ZBBX: variants seen among roughly 807,000 people sequenced by gnomAD.
The protein encoded by ZBBX is zinc finger B-box domain-containing protein 1.
A neutral mutation model predicts 108.5 loss-of-function variants in ZBBX; 101 were observed. The observed-to-expected ratio is 0.93, with a 90% CI of 0.79 to 1.10. ZBBX has a LOEUF of 1.10. Ranked by LOEUF, ZBBX falls within the 50% of genes least tolerant of loss-of-function variation. The pLI, the probability that ZBBX is intolerant of heterozygous loss-of-function variation, is 0.00. For synonymous variants in ZBBX, 356 were observed against 323.4 expected (o/e 1.10, Z -1.08); for missense variants, 1,009 against 941.4 (o/e 1.07, Z -0.94).
At chr3:167,254,887 T>TGAGAGAGAGAGAGAATGAGAGAGA (rs757639165) in intron 20 of ZBBX, among the ~76,000 whole-genome samples, 4 of 141,270 alleles carry the variant, frequency 2.8e-5, no homozygotes, top group East Asian at 2.1e-4. Flanking sequence ...TGTGTGTGTG[T>TGAGAGAGAGAGAGAATGAGAGAGA]GAGAGAGAGA....
intron 4 of ZBBX, among the ~76,000 whole-genome samples, chr3:167,372,361 G>A (rs1463860162): frequency 6.6e-6 from 1 of 152,146 alleles, no homozygotes; most frequent in African/African-American, 2.4e-5. Flanking sequence ...AAAATTCCCA[G>A]GATGCCAGTA....
intron 2 of ZBBX, among the ~76,000 whole-genome samples, chr3:167,374,203 T>C (rs1746603181): frequency 1.3e-5 from 2 of 152,162 alleles, no homozygotes; most frequent in South Asian, 4.1e-4. Flanking sequence ...AAAGGCATTC[T>C]AATATCCTCA....
At chr3:167,388,988 T>A (rs1748005896) in intron 1 of ZBBX, among the ~76,000 whole-genome samples, 1 of 152,100 alleles carries the variant, frequency 6.6e-6, no homozygotes, top group African/African-American at 2.4e-5. Context: ...TGCTTTATGT[T>A]CTGGAATACA....
chr3:167,329,676 A>G (rs1194774511), intron 10 of ZBBX, among the ~76,000 whole-genome samples: 1 of 152,218 alleles, frequency 6.6e-6, no homozygotes, highest in Non-Finnish European at 1.5e-5. Flanking sequence ...GTCAAACAGC[A>G]TTGGTGGCAT....
At chr3:167,371,107 AG>A (rs1416796204) in intron 4 of ZBBX, among the ~76,000 whole-genome samples, 6 of 152,152 alleles carry the variant, frequency 3.9e-5, no homozygotes, top group African/African-American at 1.4e-4. Context: ...AATTACTGTG[AG>A]TGGGTATTCC....
chr3:167,256,296 G>A (rs1234995447), intron 20 of ZBBX, among the ~76,000 whole-genome samples: 1 of 151,924 alleles, frequency 6.6e-6, no homozygotes, highest in African/African-American at 2.4e-5. Context: ...TTGGATATAT[G>A]GGTTTCTTTT....
Position 167,379,637 on chromosome 3 carries a change from C to T in ZBBX, c.-132+1G>A, listed in dbSNP as rs1747508288. On this transcript the variant is annotated splice_donor_variant, in intron 2 of 21. Transcript: ENST00000675490. LOFTEE classifies it low-confidence loss of function (5UTR_SPLICE). ...AATATATATAACTGAACCTTACATA[C>T]CTGAGTCCCTCTACTGCTGATTTTG... 1 of 152,124 alleles carries T rather than the reference C, an allele frequency of 6.6e-6. No individual in the cohort carries two copies. Among genetic ancestry groups the T allele is most frequent in the Non-Finnish European group, 1.5e-5 (1 of 68,038 alleles). 9.4% of individuals were successfully genotyped at this position (152,124 alleles called of 1,614,324 possible).
Position 167,346,151 on chromosome 3 carries a change from T to C in ZBBX, c.528+4269A>G, listed in dbSNP as rs1469999418. Among the ~76,000 whole-genome samples, 3 of 151,976 alleles carry C rather than the reference T, an allele frequency of 2.0e-5. No individual in the cohort carries two copies. In the East Asian group the frequency reaches 5.8e-4, roughly 29 times the overall value. On this transcript the variant is annotated intron_variant, in intron 9 of 21. Coordinates refer to ENST00000675490, the MANE Select transcript of ZBBX (RefSeq NM_001199201.2). Reference sequence around the variant, plus strand: ...CTCATTTCTCATCTGAAAATAACTTTTGTTTCAACCCTTAGTGTTGACAAT... The same window carrying C: ...CTCATTTCTCATCTGAAAATAACTTCTGTTTCAACCCTTAGTGTTGACAAT...
intron 20 of ZBBX, among the ~76,000 whole-genome samples, chr3:167,265,852 T>C (rs1725365396): frequency 6.6e-6 from 1 of 152,214 alleles, no homozygotes; most frequent in Non-Finnish European, 1.5e-5. Flanking sequence ...CACAGCTTTA[T>C]TCTCTGCTGT....
intron 20 of ZBBX, among the ~76,000 whole-genome samples, chr3:167,270,587 C>T (rs1225030860): frequency 2.0e-5 from 3 of 152,292 alleles, no homozygotes; most frequent in East Asian, 1.9e-4. Flanking sequence ...AGCCTGTAGC[C>T]TTCTTATCAA....
chr3:167,221,916 A>G, the ZBBX span, among the ~76,000 whole-genome samples: 1 of 152,146 alleles, frequency 6.6e-6, no homozygotes, highest in African/African-American at 2.4e-5. Context: ...AGGCAATAAC[A>G]AAGGCTGGTG....
intron 1 of ZBBX, among the ~76,000 whole-genome samples, chr3:167,394,743 A>C (rs1410798335): frequency 6.6e-6 from 1 of 152,070 alleles, no homozygotes; most frequent in Non-Finnish European, 1.5e-5. Context: ...TTATTCCTGC[A>C]TGCAGAATCA....
intron 16 of ZBBX, among the ~76,000 whole-genome samples, chr3:167,308,194 A>C (rs992143354): frequency 6.6e-6 from 1 of 152,200 alleles, no homozygotes; most frequent in Admixed American, 6.5e-5. Flanking sequence ...TGTGACCACA[A>C]TCCTATAAGA....
chr3:167,180,421 G>C, the ZBBX span, among the ~76,000 whole-genome samples: 1 of 152,226 alleles, frequency 6.6e-6, no homozygotes, highest in Non-Finnish European at 1.5e-5. Flanking sequence ...CACCATTGTA[G>C]TGTCATTTAC....
chr3:167,321,343 G>A (rs1463462886), intron 12 of ZBBX, among the ~76,000 whole-genome samples: 1 of 151,944 alleles, frequency 6.6e-6, no homozygotes, highest in African/African-American at 2.4e-5. Context: ...TTATCTGTAT[G>A]GGCTTAATAG....
At chr3:167,328,442 C>T (rs1333848759) in intron 10 of ZBBX, among the ~76,000 whole-genome samples, 1 of 151,792 alleles carries the variant, frequency 6.6e-6, no homozygotes, top group African/African-American at 2.4e-5. Context: ...TCTCCCTACG[C>T]CTCCAATCTC....
intron 20 of ZBBX, among the ~76,000 whole-genome samples, chr3:167,277,826 C>A (rs143264056): frequency 2.6e-5 from 4 of 152,068 alleles, no homozygotes; most frequent in African/African-American, 9.7e-5. Flanking sequence ...ACATCTATTC[C>A]GAAATTGACC....
intron 1 of ZBBX, among the ~76,000 whole-genome samples, chr3:167,398,096 T>G (rs1207834164): frequency 2.0e-5 from 3 of 151,984 alleles, no homozygotes; most frequent in Non-Finnish European, 4.4e-5. Flanking sequence ...ATGAACGAGC[T>G]TCAATTCTTG....
At chr3:167,226,845 G>T in the ZBBX span, among the ~76,000 whole-genome samples, 331 of 151,712 alleles carry the variant, frequency 2.2e-3, 3 homozygotes, top group African/African-American at 7.8e-3. Context: ...CTTCTTGTCA[G>T]AAGTTTAGAG....
Sources: gnomAD v4.1 joint callset for allele counts (sites outside exome capture counted in the v4.1 genomes callset) on GRCh38, gnomAD v4.1.1 for gene constraint, MANE v1.5 for transcripts, NCBI Gene and HGNC (gene_info 2026-07-23, HGNC 2026-07-21) for gene names.